STK32B: variants seen among roughly 807,000 people sequenced by gnomAD.
STK32B encodes the protein serine/threonine-protein kinase 32B.
A neutral mutation model predicts 52.6 loss-of-function variants in STK32B; 43 were observed. That is an observed-to-expected ratio of 0.82 (90% CI 0.64 to 1.05). STK32B has a LOEUF of 1.05. Ranked by LOEUF, STK32B falls within the 50% of genes least tolerant of loss-of-function variation. STK32B has a pLI of 0.00. For synonymous variants in STK32B, 238 were observed against 204.3 expected, an observed-to-expected ratio of 1.17 and a Z score of -1.41; for missense variants, 621 against 534.6, an observed-to-expected ratio of 1.16 and a Z score of -1.59.
intron 3 of STK32B, among the ~76,000 whole-genome samples, chr4:5,273,737 C>T (rs1727603376): frequency 1.5e-5 from 2 of 130,898 alleles, no homozygotes; most frequent in South Asian, 2.7e-4. Context: ...TAAACTATCG[C>T]AAGAACAAAA....
intron 3 of STK32B, among the ~76,000 whole-genome samples, chr4:5,289,085 A>G (rs577484605): frequency 5.8e-4 from 88 of 152,332 alleles, no homozygotes; most frequent in African/African-American, 2.0e-3. Flanking sequence ...CACAGAGTAT[A>G]CTTGCACAAA....
intron 6 of STK32B, among the ~76,000 whole-genome samples, chr4:5,440,421 G>A (rs146887908): frequency 0.12 from 18,581 of 151,922 alleles, 1,299 homozygotes; most frequent in East Asian, 0.27. Context: ...TTGTTGGTGT[G>A]TAAGAATGCT....
chr4:5,253,412 T>C (rs1050237905), intron 3 of STK32B, among the ~76,000 whole-genome samples: 3 of 152,148 alleles, frequency 2.0e-5, no homozygotes, highest in Non-Finnish European at 4.4e-5. Flanking sequence ...TCTGACTCTG[T>C]CACCCAGACT....
intron 1 of STK32B, among the ~76,000 whole-genome samples, chr4:5,106,031 G>C (rs1355102703): frequency 6.6e-6 from 1 of 151,826 alleles, no homozygotes; most frequent in African/African-American, 2.4e-5. Context: ...GGCCAGGTGT[G>C]GTGGCTCATT....
chr4:5,333,364 A>G (rs1161076988), intron 4 of STK32B, among the ~76,000 whole-genome samples: 1 of 152,092 alleles, frequency 6.6e-6, no homozygotes, highest in East Asian at 1.9e-4. Context: ...TTCATTGTAG[A>G]TTCTGGATAT....
At chr4:5,200,252 TC>T (rs1722026543) in intron 3 of STK32B, among the ~76,000 whole-genome samples, 1 of 151,028 alleles carries the variant, frequency 6.6e-6, no homozygotes. Flanking sequence ...ACTCTTCTGC[TC>T]TTTTTTTTTT....
chr4:5,340,094 T>C (rs1331662776), intron 4 of STK32B, among the ~76,000 whole-genome samples: 1 of 152,238 alleles, frequency 6.6e-6, no homozygotes, highest in Non-Finnish European at 1.5e-5. Context: ...AAGATTGACT[T>C]TTCATAGCAT....
chr4:5,440,836 G>A (rs1251744169), intron 6 of STK32B, among the ~76,000 whole-genome samples: 3 of 151,862 alleles, frequency 2.0e-5, no homozygotes, highest in Admixed American at 1.3e-4. Context: ...TTTTGTCAAA[G>A]GCCTTTTCTG....
rs1053127450 is a variant in STK32B, at chr4:5,101,208, A to G, written c.53-38697A>G. On this transcript the variant is annotated intron_variant, in intron 1 of 11. Coordinates refer to ENST00000282908, the MANE Select transcript of STK32B (RefSeq NM_018401.3). ...AATGGCATGAGCCTGATTCCAGAGG[A>G]CAAGATTTTTTTCAGCCCTCAGAGA... Among the ~76,000 whole-genome samples, 4 of 152,146 alleles carry G rather than the reference A, an allele frequency of 2.6e-5. No individual in the cohort carries two copies. The South Asian group carries it at 8.3e-4, about 32-fold the overall frequency.
At chr4:5,146,447 G>A (rs1337517640) in intron 2 of STK32B, among the ~76,000 whole-genome samples, 2 of 152,146 alleles carry the variant, frequency 1.3e-5, no homozygotes, top group East Asian at 3.8e-4. Context: ...GAAGATGAAG[G>A]CTGGAAGAAT....
At chr4:5,451,168 A>G (rs7678335) in intron 7 of STK32B, among the ~76,000 whole-genome samples, 33,369 of 152,160 alleles carry the variant, frequency 0.22, 4,253 homozygotes, top group South Asian at 0.36. Flanking sequence ...TACACACACA[A>G]CGATGATTCC....
intron 3 of STK32B, among the ~76,000 whole-genome samples, chr4:5,207,166 C>T (rs9291074): frequency 1.3e-5 from 2 of 152,034 alleles, no homozygotes; most frequent in African/African-American, 2.4e-5. Flanking sequence ...GGATGACCCA[C>T]GAGCCTGAAC....
chr4:5,244,956 T>A (rs943516086), intron 3 of STK32B, among the ~76,000 whole-genome samples: 3 of 152,222 alleles, frequency 2.0e-5, no homozygotes, highest in Non-Finnish European at 4.4e-5. Context: ...TTGTTATAAT[T>A]TCTGTTCTTT....
intron 3 of STK32B, among the ~76,000 whole-genome samples, chr4:5,313,713 A>G (rs780616747): frequency 7.9e-5 from 12 of 152,178 alleles, no homozygotes; most frequent in Admixed American, 2.6e-4. Flanking sequence ...ATTCGTGCAT[A>G]AAGATCAACC....
intron 3 of STK32B, among the ~76,000 whole-genome samples, chr4:5,201,061 A>T (rs1722098536): frequency 6.6e-6 from 1 of 152,246 alleles, no homozygotes; most frequent in Admixed American, 6.5e-5. Context: ...TTTTTAAAGC[A>T]GTTGCCCCAC....
chr4:5,389,961 G>T (rs1177710386), intron 4 of STK32B, among the ~76,000 whole-genome samples: 1 of 152,198 alleles, frequency 6.6e-6, no homozygotes, highest in Non-Finnish European at 1.5e-5. Flanking sequence ...TGCCGCAAGG[G>T]GGTGCCAGCA....
At chr4:5,315,862 G>C (rs1043183366) in intron 3 of STK32B, among the ~76,000 whole-genome samples, 1 of 150,598 alleles carries the variant, frequency 6.6e-6, no homozygotes, top group Non-Finnish European at 1.5e-5. Flanking sequence ...ATGCCACCAC[G>C]CCCAGCTAAT....
chr4:5,211,728 A>G (rs1722915851), intron 3 of STK32B, among the ~76,000 whole-genome samples: 1 of 152,196 alleles, frequency 6.6e-6, no homozygotes, highest in Non-Finnish European at 1.5e-5. Context: ...AGAAAGAACA[A>G]ACACAAACAA....
chr4:5,229,983 C>A (rs75834976), intron 3 of STK32B, among the ~76,000 whole-genome samples: 11,078 of 151,752 alleles, frequency 0.073, 510 homozygotes, highest in South Asian at 0.13. Context: ...AAACCTACTA[C>A]TTTATCTTAT....
Sources: gnomAD v4.1 joint callset for allele counts (sites outside exome capture counted in the v4.1 genomes callset) on GRCh38, gnomAD v4.1.1 for gene constraint, MANE v1.5 for transcripts, NCBI Gene and HGNC (gene_info 2026-07-23, HGNC 2026-07-21) for gene names.